The following TENM2 variants were observed in gnomAD, a reference collection of about 807,000 sequenced individuals.
TENM2 encodes teneurin transmembrane protein 2.
A neutral mutation model predicts 245.2 loss-of-function variants in TENM2; 52 were observed. That is an observed-to-expected ratio of 0.21 (90% CI 0.17 to 0.27). The LOEUF (loss-of-function observed/expected upper bound fraction) is 0.27, where lower values mean the gene tolerates loss of function less well. TENM2 is among the 10% of genes least tolerant of loss of function. TENM2 has a pLI of 1.00. For missense variants in TENM2, 3,046 were observed against 3,666.8 expected, an observed-to-expected ratio of 0.83 and a Z score of 4.37; for synonymous variants, 1,363 against 1,438.9, an observed-to-expected ratio of 0.95 and a Z score of 1.19.
chr5:167,837,675 A>C (rs937538050), intron 2 of TENM2, among the ~76,000 whole-genome samples: 3 of 152,186 alleles, frequency 2.0e-5, no homozygotes, highest in African/African-American at 7.2e-5. Context: ...TAAAACTTTA[A>C]ATTCTCTGTG....
At chr5:167,125,081 G>A in the TENM2 span, among the ~76,000 whole-genome samples, 1 of 152,128 alleles carries the variant, frequency 6.6e-6, no homozygotes, top group East Asian at 1.9e-4. Flanking sequence ...AGTTCTTTTG[G>A]GTCATATCAG....
At chr5:167,991,399 T>C (rs897121698) in intron 4 of TENM2, among the ~76,000 whole-genome samples, 1 of 152,184 alleles carries the variant, frequency 6.6e-6, no homozygotes, top group Admixed American at 6.5e-5. Flanking sequence ...GTCCATGGCC[T>C]CCAGCTGCTC....
rs115805208 is a variant in TENM2 at position 167,626,592 on chromosome 5, G to A, written c.503-249394G>A. ...CTAGCCCAGATGTACTCAATCATGAGTTCTAGGGAATGGATCCCTGGGAAT... is the reference window on the plus strand; with the variant it reads ...CTAGCCCAGATGTACTCAATCATGAATTCTAGGGAATGGATCCCTGGGAAT... On this transcript the variant is annotated intron_variant, in intron 2 of 28. Transcript: ENST00000518659. 7.9e-3 allele frequency among the ~76,000 whole-genome samples: 1,202 copies of A among 152,284 alleles called. 16 individuals carry two copies. Among genetic ancestry groups the A allele is most frequent in the African/African-American group, 0.027 (1,136 of 41,544 alleles).
upstream of TENM2, among the ~76,000 whole-genome samples, chr5:167,280,752 GTCTGTCTATCTATCTA>G (rs1363637745): frequency 2.0e-4 from 26 of 130,244 alleles, no homozygotes; most frequent in East Asian, 4.7e-4. Flanking sequence ...CTGTCTATCT[GTCTGTCTATCTATCTA>G]TCTATCTATC....
intron 2 of TENM2, among the ~76,000 whole-genome samples, chr5:167,433,599 A>G (rs1412068210): frequency 6.6e-6 from 1 of 152,140 alleles, no homozygotes; most frequent in Non-Finnish European, 1.5e-5. Context: ...TCTTTGAGTT[A>G]AAACCTGAAC....
chr5:168,241,886 CTTA>C (rs1451670386), intron 25 of TENM2, among the ~76,000 whole-genome samples: 1 of 152,126 alleles, frequency 6.6e-6, no homozygotes, highest in African/African-American at 2.4e-5. Flanking sequence ...AGGATTTACG[CTTA>C]TTATTTTCCT....
intron 1 of TENM2, among the ~76,000 whole-genome samples, chr5:167,325,164 A>C (rs941346665): frequency 2.6e-5 from 4 of 152,256 alleles, no homozygotes; most frequent in Admixed American, 6.5e-5. Flanking sequence ...GAAATAATGC[A>C]ATGACAATAT....
chr5:167,016,040 GT>G, the TENM2 span, among the ~76,000 whole-genome samples: 3 of 151,950 alleles, frequency 2.0e-5, no homozygotes, highest in East Asian at 5.8e-4. Context: ...GGATCACGAG[GT>G]CAGGAGATCG....
intron 2 of TENM2, among the ~76,000 whole-genome samples, chr5:167,669,922 T>C (rs1474733284): frequency 6.6e-6 from 1 of 152,062 alleles, no homozygotes; most frequent in East Asian, 1.9e-4. Flanking sequence ...GTAGATTAGT[T>C]AGAACAATAG....
intron 6 of TENM2, among the ~76,000 whole-genome samples, chr5:168,059,006 A>G (rs554117864): frequency 6.6e-6 from 1 of 152,272 alleles, no homozygotes; most frequent in East Asian, 1.9e-4. Context: ...GGATTCAAAC[A>G]CAGTTCTATC....
intron 7 of TENM2, among the ~76,000 whole-genome samples, chr5:168,071,242 A>G (rs1023100604): frequency 6.6e-5 from 10 of 152,218 alleles, no homozygotes; most frequent in African/African-American, 2.4e-4. Context: ...TTTATAAAGC[A>G]CTTAGATTCA....
intron 3 of TENM2, among the ~76,000 whole-genome samples, chr5:167,914,064 G>A (rs1776744589): frequency 6.6e-6 from 1 of 152,168 alleles, no homozygotes; most frequent in Non-Finnish European, 1.5e-5. Context: ...GCCTTAAATG[G>A]GAAGGGGAGG....
intron 3 of TENM2, among the ~76,000 whole-genome samples, chr5:167,915,817 T>C (rs1244256408): frequency 1.3e-5 from 2 of 152,184 alleles, no homozygotes; most frequent in South Asian, 2.1e-4. Flanking sequence ...TGTATTTCCT[T>C]GATTGGGAGG....
At chr5:167,935,036 G>A (rs1033674200) in intron 3 of TENM2, 10 of 424,076 alleles carry the variant, frequency 2.4e-5, no homozygotes, top group Non-Finnish European at 3.2e-5. Flanking sequence ...AGCGGGAAAG[G>A]TCAGAACACC....
At chr5:167,736,602 T>C (rs1760816357) in intron 2 of TENM2, among the ~76,000 whole-genome samples, 1 of 151,572 alleles carries the variant, frequency 6.6e-6, no homozygotes, top group African/African-American at 2.4e-5. Context: ...GTCAAGCCAT[T>C]ATGAAACCTT....
chr5:168,108,550 G>T (rs1373833704), intron 9 of TENM2, among the ~76,000 whole-genome samples: 3 of 152,186 alleles, frequency 2.0e-5, no homozygotes, highest in African/African-American at 7.2e-5. Flanking sequence ...TTCACAACAA[G>T]CCTTTGCAAT....
At chr5:167,959,062 T>A (rs929851468) in intron 4 of TENM2, among the ~76,000 whole-genome samples, 1 of 152,208 alleles carries the variant, frequency 6.6e-6, no homozygotes, top group South Asian at 2.1e-4. Context: ...CTGGATAATA[T>A]CCTGAAGAGT....
chr5:167,755,540 G>A (rs1052850717), intron 2 of TENM2, among the ~76,000 whole-genome samples: 2 of 151,906 alleles, frequency 1.3e-5, no homozygotes, highest in African/African-American at 2.4e-5. Context: ...AGCATCCTGT[G>A]TCTATTGCTG....
the TENM2 span, among the ~76,000 whole-genome samples, chr5:167,259,346 G>T: frequency 5.8e-4 from 89 of 152,234 alleles, no homozygotes; most frequent in African/African-American, 1.9e-3. Flanking sequence ...ATTCAGTGTT[G>T]CTAGATGATT....
Sources: allele counts gnomAD v4.1 joint callset (sites outside exome capture counted in the v4.1 genomes callset), GRCh38; gene constraint gnomAD v4.1.1; transcripts MANE v1.5; gene names NCBI Gene and HGNC (gene_info 2026-07-23, HGNC 2026-07-21).